The following B3GALT1 variants were observed in gnomAD, a reference collection of about 807,000 sequenced individuals.
The protein encoded by B3GALT1 is beta-1,3-galactosyltransferase 1.
Under a neutral mutation model 23.2 loss-of-function variants are expected in B3GALT1, and 10 were observed. The observed-to-expected ratio is 0.43, with a 90% CI of 0.27 to 0.73. The LOEUF (loss-of-function observed/expected upper bound fraction) is 0.73. B3GALT1 is among the 30% of genes least tolerant of loss of function. The pLI, the probability that B3GALT1 is intolerant of heterozygous loss-of-function variation, is 0.21. For missense variants in B3GALT1, 299 were observed against 405.4 expected (o/e 0.74, Z 2.25); for synonymous variants, 156 against 141.5 (o/e 1.10, Z -0.73).
intron 3 of B3GALT1, among the ~76,000 whole-genome samples, chr2:167,678,982 A>T (rs1448919042): frequency 6.6e-6 from 1 of 152,132 alleles, no homozygotes; most frequent in African/African-American, 2.4e-5. Context: ...AAAGACTTGG[A>T]GTTTTTTAAA....
intron 3 of B3GALT1, among the ~76,000 whole-genome samples, chr2:167,706,692 G>A (rs982886196): frequency 8.5e-5 from 13 of 152,200 alleles, no homozygotes; most frequent in Non-Finnish European, 1.8e-4. Flanking sequence ...AGTACACATG[G>A]AATATCCCCA....
At chr2:167,775,871 A>G (rs1412149788) in intron 3 of B3GALT1, among the ~76,000 whole-genome samples, 1 of 152,172 alleles carries the variant, frequency 6.6e-6, no homozygotes, top group Non-Finnish European at 1.5e-5. Context: ...TGTCAAATAC[A>G]GAGCTCTACT....
At chr2:167,709,478 T>TG (rs1687017863) in intron 3 of B3GALT1, among the ~76,000 whole-genome samples, 1 of 152,138 alleles carries the variant, frequency 6.6e-6, no homozygotes, top group Non-Finnish European at 1.5e-5. Flanking sequence ...GGGCTCAAGA[T>TG]GTCATTGGGT....
intron 1 of B3GALT1, among the ~76,000 whole-genome samples, chr2:167,374,067 A>C (rs969662709): frequency 6.6e-6 from 1 of 152,152 alleles, no homozygotes; most frequent in East Asian, 1.9e-4. Context: ...CTTTATGTCC[A>C]TGAGTACCCA....
At chr2:167,778,837 T>C (rs1688203627) in intron 3 of B3GALT1, among the ~76,000 whole-genome samples, 1 of 152,210 alleles carries the variant, frequency 6.6e-6, no homozygotes, top group South Asian at 2.1e-4. Flanking sequence ...CCATTTTCTC[T>C]AACTCATCCC....
At chr2:167,385,059 G>T (rs949917490) in intron 1 of B3GALT1, among the ~76,000 whole-genome samples, 1 of 152,072 alleles carries the variant, frequency 6.6e-6, no homozygotes, top group South Asian at 2.1e-4. Context: ...ACAGTCAGGT[G>T]CAGAGGAAGA....
At chr2:167,716,859 G>T (rs1292736204) in intron 3 of B3GALT1, among the ~76,000 whole-genome samples, 3 of 151,970 alleles carry the variant, frequency 2.0e-5, no homozygotes, top group Admixed American at 6.6e-5. Flanking sequence ...GCATTTTATA[G>T]CTTAGTGTAT....
At chr2:167,500,635 G>GGAA (rs1553522800) in intron 2 of B3GALT1, among the ~76,000 whole-genome samples, 3,313 of 149,738 alleles carry the variant, frequency 0.022, 122 homozygotes, top group African/African-American at 0.076. Context: ...GACTTATAAG[G>GGAA]AAAAAAAAAA....
intron 1 of B3GALT1, among the ~76,000 whole-genome samples, chr2:167,398,612 T>C (rs887318225): frequency 1.3e-5 from 2 of 152,126 alleles, no homozygotes; most frequent in Non-Finnish European, 2.9e-5. Flanking sequence ...CATTTTGATA[T>C]ACATTTTAAA....
At chr2:167,576,511 T>A (rs1684389676) in intron 2 of B3GALT1, among the ~76,000 whole-genome samples, 2 of 148,764 alleles carry the variant, frequency 1.3e-5, no homozygotes, top group Admixed American at 6.9e-5. Context: ...ACTCGTTTTT[T>A]GTTTTTCTGT....
At chr2:167,777,319 A>T (rs1286926829) in intron 3 of B3GALT1, among the ~76,000 whole-genome samples, 2 of 152,154 alleles carry the variant, frequency 1.3e-5, no homozygotes, top group Non-Finnish European at 2.9e-5. Context: ...CCAATAAACA[A>T]TTTTCTTTTT....
chr2:167,723,488 T>A (rs903581557), intron 3 of B3GALT1, among the ~76,000 whole-genome samples: 5 of 152,144 alleles, frequency 3.3e-5, no homozygotes, highest in Non-Finnish European at 5.9e-5. Context: ...AATATTTTAT[T>A]TGAACATATT....
intron 1 of B3GALT1, among the ~76,000 whole-genome samples, chr2:167,356,853 A>G (rs892861195): frequency 2.0e-5 from 3 of 152,010 alleles, no homozygotes; most frequent in East Asian, 1.9e-4. Context: ...AATTGAGTCA[A>G]GCGTCATTAG....
intron 4 of B3GALT1, among the ~76,000 whole-genome samples, chr2:167,868,489 TAAAA>T (rs71397619): frequency 5.2e-4 from 74 of 141,854 alleles, no homozygotes; most frequent in Admixed American, 1.8e-3. Context: ...ATGTCACTGT[TAAAA>T]AAAAAAAAAA....
chr2:167,442,449 G>A (rs553671119), intron 1 of B3GALT1, among the ~76,000 whole-genome samples: 10 of 152,002 alleles, frequency 6.6e-5, no homozygotes, highest in Non-Finnish European at 8.8e-5. Context: ...CTGAGGAATC[G>A]CCACACTGAC....
At chr2:167,621,179 C>G (rs983345749) in intron 2 of B3GALT1, among the ~76,000 whole-genome samples, 1 of 149,946 alleles carries the variant, frequency 6.7e-6, no homozygotes, top group South Asian at 2.1e-4. Flanking sequence ...GCCTTGACCT[C>G]TGGGGCTCAA....
intron 3 of B3GALT1, among the ~76,000 whole-genome samples, chr2:167,815,412 T>C (rs1688976587): frequency 6.6e-6 from 1 of 152,230 alleles, no homozygotes. Flanking sequence ...AGTGGCGCTT[T>C]GTGTTTTGTT....
chr2:167,564,053 C>T (rs1298910166), intron 2 of B3GALT1, among the ~76,000 whole-genome samples: 1 of 151,358 alleles, frequency 6.6e-6, no homozygotes, highest in East Asian at 2.0e-4. Flanking sequence ...GGAGACGCTC[C>T]TCACTTCCCA....
At chr2:167,819,635 T>C (rs1455648360) in intron 4 of B3GALT1, among the ~76,000 whole-genome samples, 1 of 152,188 alleles carries the variant, frequency 6.6e-6, no homozygotes, top group African/African-American at 2.4e-5. Context: ...AGTTTCCTTG[T>C]CCATGAAATT....
Sources: allele counts gnomAD v4.1 joint callset (sites outside exome capture counted in the v4.1 genomes callset), GRCh38; gene constraint gnomAD v4.1.1; transcripts MANE v1.5; gene names NCBI Gene and HGNC (gene_info 2026-07-23, HGNC 2026-07-21).